DYRK4: variants seen among roughly 807,000 people sequenced by gnomAD.
The protein encoded by DYRK4 is dual specificity tyrosine-phosphorylation-regulated kinase 4.
DYRK4 carries 64 observed loss-of-function variants against 68.3 expected under a neutral mutation model. That is an observed-to-expected ratio of 0.94 (90% CI 0.77 to 1.15). DYRK4 has a LOEUF of 1.15. Among genes scored for constraint, DYRK4 ranks in the 50% most tolerant of loss-of-function variants. The pLI is 0.00. For missense variants in DYRK4, 740 were observed against 764.7 expected (o/e 0.97, Z 0.38); for synonymous variants, 274 against 289.9 (o/e 0.95, Z 0.56).
At chr12:4,593,321 C>A (rs1944978894) in intron 6 of DYRK4, among the ~76,000 whole-genome samples, 156 bp downstream of exon 6, 2 of 152,056 alleles carry the variant, frequency 1.3e-5, no homozygotes, top group African/African-American at 4.8e-5. Context: ...AAGGAAATAC[C>A]ATGTTTGAAA....
Position 4,612,686 on chromosome 12 carries a change from A to G in DYRK4, c.1634A>G (p.Lys545Arg). Residue 545 changes from lysine (K) to arginine (R), a missense_variant, in exon 14 of 15, where the codon AAG becomes AGG. Lys to Arg is a conservative substitution (Grantham distance 26, BLOSUM62 2). Around this residue, in one of 3 missense-constraint regions of DYRK4, gnomAD observed 614 missense variants for 603.7 expected, o/e 1.02. Transcript: ENST00000543431. ...SFFPSETRKD[K>R]VQGCHHSSRK... ...TTCCCCTCTGAGACAAGGAAGGACA[A>G]GGTTCAAGGCTGTCATCACTCGAGC... The G allele has an allele frequency of 6.2e-7, 1 of 1,614,190 alleles. No individual in the cohort carries two copies. The highest frequency in any genetic ancestry group is 8.5e-7 in the Non-Finnish European group (1 of 1,180,022).
chr12:4,598,850 C>T (rs747412825), intron 8 of DYRK4, among the ~76,000 whole-genome samples, 178 bp from the exon 9 acceptor site: 18 of 152,274 alleles, frequency 1.2e-4, no homozygotes, highest in African/African-American at 3.1e-4. Context: ...TTTCACCCTG[C>T]GCCCACCACG....
chr12:4,602,080 G>C, intron 10 of DYRK4: 1 of 444,450 alleles, frequency 2.2e-6, no homozygotes, highest in South Asian at 2.5e-5. Flanking sequence ...CTCAAGGGTA[G>C]TTCTTGAACC....
At position 4,602,560 on chromosome 12, in the gene DYRK4, G is replaced by A. The variant is rs1945093599; in HGVS notation, c.1127-2354G>A. ...TATAAGTGGAGGGATATAAGCCAACGGCTCTCCTGTTGATGAGTGAGTGAC... is the reference window on the plus strand; with the variant it reads ...TATAAGTGGAGGGATATAAGCCAACAGCTCTCCTGTTGATGAGTGAGTGAC... On this transcript the variant is annotated intron_variant, in intron 10 of 14. Transcript: ENST00000543431. 8 of 1,265,640 alleles carry A rather than the reference G, an allele frequency of 6.3e-6. No individual in the cohort carries two copies. In the Admixed American group the frequency reaches 1.0e-4, roughly 16 times the overall value. The allele number at this position is 1,265,640 out of a possible 1,614,324, so 78.4% of individuals were successfully genotyped here.
rs142242512 is a variant in DYRK4 at position 4,605,488 on chromosome 12, T to C, written c.1299+402T>C. ...TTTGTTCTTTTTTCCCTTTTGTTTC[T>C]ACTCTTTTTTCTACTTCCTCTATGG... On this transcript the variant is annotated intron_variant, in intron 11 of 14. Coordinates refer to ENST00000543431, the MANE Select transcript of DYRK4 (RefSeq NM_001394779.1). Among the ~76,000 whole-genome samples, 136 of 152,296 alleles carry C rather than the reference T, an allele frequency of 8.9e-4. 1 individual carries two copies. The highest frequency in any genetic ancestry group is 2.9e-3 in the African/African-American group (120 of 41,578).
At position 4,590,382 on chromosome 12, in the gene DYRK4, C is replaced by G. The variant is rs1017903682; in HGVS notation, c.266C>G (p.Thr89Arg). The G allele has an allele frequency of 6.5e-7, 1 of 1,535,696 alleles. No homozygotes were observed. The highest frequency in any genetic ancestry group is 1.4e-5 in the African/African-American group (1 of 72,996). The change falls in exon 4 of 15, where the codon ACG (threonine) becomes AGG (arginine). Residue 89 changes from threonine to arginine, a missense_variant. Thr to Arg is a moderately conservative substitution (Grantham distance 71). Around this residue, in one of 3 missense-constraint regions of DYRK4, gnomAD observed 56 missense variants for 89.9 expected, o/e 0.62. Coordinates refer to ENST00000543431, the MANE Select transcript of DYRK4 (RefSeq NM_001394779.1). Reference protein sequence around the residue: ...PFVDTKGKKNTVSFPHISKKV... With the variant: ...PFVDTKGKKNRVSFPHISKKV... ...GTGGACACCAAGGGGAAGAAGAATA[C>G]GGTAAGCTTCCCACACATTAGCAAG...
chr12:4,604,807 T>C (rs549493288), intron 10 of DYRK4, 107 bp from the exon 11 acceptor site: 44 of 1,386,016 alleles, frequency 3.2e-5, no homozygotes, highest in South Asian at 3.2e-5. Context: ...GCACTTCCCT[T>C]TCACTGCCAG....
At chr12:4,568,082 G>A (rs1349838738) in intron 2 of DYRK4, 34 bp downstream of exon 2, 1 of 1,524,862 alleles carries the variant, frequency 6.6e-7, no homozygotes, top group South Asian at 1.2e-5. Flanking sequence ...GGGGAAGAGA[G>A]GTATCATTGC....
At chr12:4,581,255 G>A (rs1199995413) in intron 2 of DYRK4, among the ~76,000 whole-genome samples, 1 of 152,118 alleles carries the variant, frequency 6.6e-6, no homozygotes, top group Non-Finnish European at 1.5e-5. Flanking sequence ...GTGGGACATG[G>A]GACTGGGAAT....
At chr12:4,588,057 GT>G (rs1201044295) in intron 2 of DYRK4, among the ~76,000 whole-genome samples, 1 of 152,222 alleles carries the variant, frequency 6.6e-6, no homozygotes, top group East Asian at 1.9e-4. Context: ...ACTCTGTTTT[GT>G]TTTATTATTG....
chr12:4,592,205 T>G (rs1425776613), intron 5 of DYRK4, among the ~76,000 whole-genome samples: 1 of 152,206 alleles, frequency 6.6e-6, no homozygotes, highest in Non-Finnish European at 1.5e-5. Context: ...CCCTGCTATC[T>G]TATGCCTTGG....
At chr12:4,603,696 CT>C (rs756289968) in intron 10 of DYRK4, among the ~76,000 whole-genome samples, 9 of 152,208 alleles carry the variant, frequency 5.9e-5, no homozygotes, top group Non-Finnish European at 1.2e-4. Flanking sequence ...GACATAAAAC[CT>C]TTGTGTCTTT....
intron 6 of DYRK4, among the ~76,000 whole-genome samples, chr12:4,594,423 C>T (rs1468341044): frequency 6.6e-6 from 1 of 152,090 alleles, no homozygotes; most frequent in Non-Finnish European, 1.5e-5. Flanking sequence ...AGGGTTAAAC[C>T]GTGTTGGCCA....
chr12:4,595,620 G>A (rs1008601477), intron 6 of DYRK4, among the ~76,000 whole-genome samples: 1 of 152,088 alleles, frequency 6.6e-6, no homozygotes, highest in Non-Finnish European at 1.5e-5. Flanking sequence ...TAAGCCCAAA[G>A]GAGAACCAAA....
intron 12 of DYRK4, among the ~76,000 whole-genome samples, chr12:4,608,332 A>G (rs766674353): frequency 1.8e-4 from 28 of 152,102 alleles, no homozygotes; most frequent in Admixed American, 7.9e-4. Context: ...TGACCACACA[A>G]TCCCAGACAT....
rs757083454 is a variant in DYRK4, at chr12:4,604,955, G to A, written c.1168G>A (p.Val390Met). Residue 390 changes from valine (V) to methionine (M), a missense_variant, in exon 11 of 15, where the codon GTG becomes ATG. Coordinates refer to ENST00000543431, the MANE Select transcript of DYRK4 (RefSeq NM_001394779.1). ...IQSRFYRSPE[V>M]ILGHPYDVAI... Reference sequence around the variant, plus strand: ...AAGCCGGTTCTACCGATCCCCAGAAGTGATCCTGGGCCACCCCTACGACGT... The same window carrying A: ...AAGCCGGTTCTACCGATCCCCAGAAATGATCCTGGGCCACCCCTACGACGT... 1.2e-6 allele frequency: 2 copies of A among 1,613,304 alleles called. No individual in the cohort carries two copies. Among genetic ancestry groups the A allele is most frequent in the Non-Finnish European group, 1.7e-6 (2 of 1,179,538 alleles).
intron 2 of DYRK4, among the ~76,000 whole-genome samples, chr12:4,572,424 G>A (rs1944740155): frequency 6.6e-6 from 1 of 152,108 alleles, no homozygotes; most frequent in Non-Finnish European, 1.5e-5. Flanking sequence ...TGGGACTACA[G>A]GCGCCCGCCA....
chr12:4,587,089 T>G (rs182676130), intron 2 of DYRK4, among the ~76,000 whole-genome samples: 5 of 152,356 alleles, frequency 3.3e-5, no homozygotes, highest in Admixed American at 3.3e-4. Flanking sequence ...TCTGAAATAC[T>G]GCTTTGCACA....
At chr12:4,602,622 GC>G in intron 10 of DYRK4, 1 of 1,347,928 alleles carries the variant, frequency 7.4e-7, no homozygotes, top group Non-Finnish European at 1.1e-6. Context: ...CTTTCTTGAT[GC>G]CACTGACACA....
Sources: gnomAD v4.1 joint callset for allele counts (sites outside exome capture counted in the v4.1 genomes callset) on GRCh38, gnomAD v4.1.1 for gene constraint, gnomAD v4.1.1 regional missense constraint, MANE v1.5 for transcripts, NCBI Gene and HGNC (gene_info 2026-07-23, HGNC 2026-07-21) for gene names.